Variants in GPM6A observed in about 807,000 individuals in gnomAD.
GPM6A encodes the protein neuronal membrane glycoprotein M6-a.
Under a neutral mutation model 32.1 loss-of-function variants are expected in GPM6A, and 7 were observed. The ratio of observed to expected loss-of-function variants is 0.22; its 90% CI spans 0.12 to 0.41. The LOEUF is 0.41. Among genes scored for constraint, GPM6A ranks in the 10% least tolerant of loss-of-function variants. GPM6A has a pLI of 1.00. For missense variants in GPM6A, 235 were observed against 347.2 expected, an observed-to-expected ratio of 0.68 and a Z score of 2.57; for synonymous variants, 130 against 123.4, an observed-to-expected ratio of 1.05 and a Z score of -0.35.
chr4:176,000,669 T>C (rs1262443307), intron 1 of GPM6A, among the ~76,000 whole-genome samples: 1 of 152,188 alleles, frequency 6.6e-6, no homozygotes, highest in Non-Finnish European at 1.5e-5. Flanking sequence ...AGTCAATTAT[T>C]TTGACTTTCC....
intron 1 of GPM6A, among the ~76,000 whole-genome samples, chr4:175,983,586 T>C (rs1365579016): frequency 6.6e-6 from 1 of 152,230 alleles, no homozygotes; most frequent in Non-Finnish European, 1.5e-5. Context: ...ATTACACTAA[T>C]TAAATTTCAA....
At chr4:175,693,043 G>A (rs1052074721) in intron 2 of GPM6A, among the ~76,000 whole-genome samples, 1 of 151,864 alleles carries the variant, frequency 6.6e-6, no homozygotes, top group Non-Finnish European at 1.5e-5. Flanking sequence ...TAAAGTACTA[G>A]CTCTACCATT....
chr4:175,793,290 C>A (rs919713304), intron 1 of GPM6A, among the ~76,000 whole-genome samples: 10 of 152,182 alleles, frequency 6.6e-5, no homozygotes, highest in South Asian at 2.1e-4. Context: ...GCCTGGATAC[C>A]CACCGTCCCT....
chr4:175,635,666 A>G (rs1468746040), intron 6 of GPM6A, among the ~76,000 whole-genome samples: 1 of 152,172 alleles, frequency 6.6e-6, no homozygotes, highest in Non-Finnish European at 1.5e-5. Flanking sequence ...ATGTTCAAAA[A>G]GGAAGCTCCT....
intron 1 of GPM6A, among the ~76,000 whole-genome samples, chr4:175,722,612 CT>C (rs1746198568): frequency 6.6e-6 from 1 of 152,026 alleles, no homozygotes; most frequent in Non-Finnish European, 1.5e-5. Context: ...GTGAGTGGAC[CT>C]TTTTCCGGTG....
chr4:175,812,310 T>TG, upstream of GPM6A: 2 of 1,129,190 alleles, frequency 1.8e-6, no homozygotes, highest in South Asian at 2.1e-5. Context: ...GGTTTTTTTT[T>TG]TTTTTTTTTT....
intron 1 of GPM6A, among the ~76,000 whole-genome samples, chr4:175,939,864 A>C (rs965150306): frequency 2.0e-5 from 3 of 152,132 alleles, no homozygotes; most frequent in Admixed American, 6.5e-5. Context: ...CAAAAAAAAA[A>C]ACCTGACATT....
chr4:175,923,137 G>T (rs1488553823), intron 1 of GPM6A, among the ~76,000 whole-genome samples: 5 of 150,286 alleles, frequency 3.3e-5, no homozygotes, highest in Non-Finnish European at 7.4e-5. Context: ...CTGAATCTTT[G>T]CTAAGGTATA....
intron 1 of GPM6A, chr4:175,947,541 A>T (rs1158907497): frequency 6.6e-6 from 1 of 152,192 alleles, no homozygotes; most frequent in African/African-American, 2.4e-5. Flanking sequence ...ATAAAATATT[A>T]TAAAAGCACA....
chr4:175,698,586 C>T (rs970361134), intron 2 of GPM6A, among the ~76,000 whole-genome samples: 3 of 152,054 alleles, frequency 2.0e-5, no homozygotes, highest in Admixed American at 6.6e-5. Flanking sequence ...TGGCACTAAT[C>T]GTATTAAGAG....
At chr4:175,949,009 G>A (rs1173459160) in intron 1 of GPM6A, among the ~76,000 whole-genome samples, 1 of 150,310 alleles carries the variant, frequency 6.7e-6, no homozygotes, top group Non-Finnish European at 1.5e-5. Context: ...GGGATGTGGT[G>A]GAGGGATGAG....
intron 1 of GPM6A, among the ~76,000 whole-genome samples, chr4:175,811,020 C>G (rs1377676148): frequency 6.6e-6 from 1 of 151,846 alleles, no homozygotes; most frequent in African/African-American, 2.4e-5. Context: ...TATATAAAAC[C>G]TTCATGTATT....
chr4:175,708,035 C>A (rs1745303427), intron 1 of GPM6A, among the ~76,000 whole-genome samples: 1 of 152,120 alleles, frequency 6.6e-6, no homozygotes, highest in Non-Finnish European at 1.5e-5. Flanking sequence ...TTGCATTTAT[C>A]AATGTATCCA....
intron 1 of GPM6A, among the ~76,000 whole-genome samples, chr4:175,724,712 G>A (rs114037100): frequency 0.013 from 1,905 of 152,266 alleles, 42 homozygotes; most frequent in African/African-American, 0.042. Flanking sequence ...GAGATAGCTT[G>A]AGAGTCAGAT....
At chr4:175,865,380 C>T (rs1279278969) in intron 1 of GPM6A, among the ~76,000 whole-genome samples, 4 of 152,058 alleles carry the variant, frequency 2.6e-5, no homozygotes, top group Non-Finnish European at 5.9e-5. Flanking sequence ...TAATTATGCT[C>T]TTCTTTTTCA....
intron 1 of GPM6A, among the ~76,000 whole-genome samples, chr4:175,855,570 C>T (rs1383741755): frequency 1.3e-5 from 2 of 152,118 alleles, no homozygotes; most frequent in Non-Finnish European, 2.9e-5. Context: ...CTATTCTAGT[C>T]AACAAAATTG....
At chr4:175,823,139 G>A (rs1362407878) in intron 1 of GPM6A, among the ~76,000 whole-genome samples, 1 of 152,120 alleles carries the variant, frequency 6.6e-6, no homozygotes, top group Non-Finnish European at 1.5e-5. Context: ...TCAAGGCTAC[G>A]CAGCTGGTGA....
intron 1 of GPM6A, among the ~76,000 whole-genome samples, chr4:175,864,299 T>C (rs1736664144): frequency 1.3e-5 from 2 of 152,152 alleles, no homozygotes; most frequent in Non-Finnish European, 2.9e-5. Flanking sequence ...CCCAAGTAGC[T>C]GAGACTACAG....
At chr4:175,838,423 T>C (rs1157019930) in intron 1 of GPM6A, among the ~76,000 whole-genome samples, 1 of 150,598 alleles carries the variant, frequency 6.6e-6, no homozygotes, top group African/African-American at 2.4e-5. Context: ...TATCTATTTC[T>C]ACCCTAAATA....
Sources: gnomAD v4.1 joint callset for allele counts (sites outside exome capture counted in the v4.1 genomes callset) on GRCh38, gnomAD v4.1.1 for gene constraint, MANE v1.5 for transcripts, NCBI Gene and HGNC (gene_info 2026-07-23, HGNC 2026-07-21) for gene names.